Variants in SGCZ observed in about 807,000 individuals in gnomAD.
SGCZ encodes the protein sarcoglycan zeta, also known as zeta-sarcoglycan.
Under a neutral mutation model 41.3 loss-of-function variants are expected in SGCZ, and 40 were observed. The observed-to-expected ratio is 0.97, with a 90% confidence interval of 0.75 to 1.26. The LOEUF is 1.26. SGCZ is among the 50% of genes most tolerant of loss of function. The pLI, the probability that SGCZ is intolerant of heterozygous loss-of-function variation, is 0.00. For synonymous variants in SGCZ, 206 were observed against 137.5 expected (o/e 1.50, Z -3.49); for missense variants, 552 against 369.8 (o/e 1.49, Z -4.04).
chr8:14,504,767 T>A (rs569913279), intron 2 of SGCZ, among the ~76,000 whole-genome samples: 1 of 152,160 alleles, frequency 6.6e-6, no homozygotes, highest in Non-Finnish European at 1.5e-5. Context: ...CTGGAAGAGG[T>A]CCTAGCCTGT....
chr8:14,780,321 G>C (rs1437728609), intron 1 of SGCZ, among the ~76,000 whole-genome samples: 2 of 149,834 alleles, frequency 1.3e-5, no homozygotes, highest in African/African-American at 2.5e-5. Context: ...CTTGCAGTGA[G>C]CTGAGATTGC....
chr8:15,060,761 T>G (rs1194708501), intron 1 of SGCZ, among the ~76,000 whole-genome samples: 1 of 152,270 alleles, frequency 6.6e-6, no homozygotes, highest in Admixed American at 6.5e-5. Flanking sequence ...TTCTGGGTTC[T>G]TACATTCTTC....
chr8:15,166,250 T>G (rs1799661764), intron 1 of SGCZ, among the ~76,000 whole-genome samples: 1 of 149,954 alleles, frequency 6.7e-6, no homozygotes, highest in Admixed American at 6.6e-5. Flanking sequence ...TTTCTTTTTT[T>G]TTTTTTTCTT....
At chr8:14,818,928 T>A (rs1484229800) in intron 1 of SGCZ, among the ~76,000 whole-genome samples, 1 of 151,796 alleles carries the variant, frequency 6.6e-6, no homozygotes, top group Non-Finnish European at 1.5e-5. Context: ...AAACAAATAA[T>A]CTCATTACAG....
intron 1 of SGCZ, among the ~76,000 whole-genome samples, chr8:14,723,033 T>G (rs940893622): frequency 3.4e-4 from 52 of 152,308 alleles, no homozygotes; most frequent in African/African-American, 1.2e-3. Flanking sequence ...ATTCCATTGT[T>G]TGTTTCTATT....
intron 3 of SGCZ, among the ~76,000 whole-genome samples, chr8:14,259,277 A>G (rs554810338): frequency 6.6e-6 from 1 of 152,314 alleles, no homozygotes; most frequent in East Asian, 1.9e-4. Flanking sequence ...ATTTTCCTTT[A>G]GAAAACAAAA....
intron 1 of SGCZ, among the ~76,000 whole-genome samples, chr8:15,015,105 C>G (rs1802976157): frequency 6.6e-6 from 1 of 151,982 alleles, no homozygotes; most frequent in Non-Finnish European, 1.5e-5. Context: ...TACCTGGGCA[C>G]AGTGGTGTGC....
intron 1 of SGCZ, among the ~76,000 whole-genome samples, chr8:14,812,007 G>A (rs186901175): frequency 3.8e-4 from 58 of 152,092 alleles, no homozygotes; most frequent in Non-Finnish European, 7.7e-4. Flanking sequence ...AATGGGTATG[G>A]GATGAGTATG....
At chr8:14,232,599 TTTTTA>T (rs1052606380) in intron 4 of SGCZ, among the ~76,000 whole-genome samples, 6 of 151,890 alleles carry the variant, frequency 4.0e-5, no homozygotes, top group African/African-American at 1.2e-4. Context: ...TGTTTTTTAT[TTTTTA>T]TTTTATTATT....
intron 1 of SGCZ, among the ~76,000 whole-genome samples, chr8:14,754,354 C>T (rs1329892895): frequency 1.3e-5 from 2 of 152,164 alleles, no homozygotes; most frequent in African/African-American, 4.8e-5. Flanking sequence ...CCTTCAACCT[C>T]TCTCTGTTTT....
chr8:14,423,078 C>G (rs1799678720), intron 2 of SGCZ, among the ~76,000 whole-genome samples: 1 of 151,890 alleles, frequency 6.6e-6, no homozygotes, highest in African/African-American at 2.4e-5. Context: ...GTTTTGAACC[C>G]ATGAGTGTTC....
At chr8:14,825,705 A>C (rs944081471) in intron 1 of SGCZ, among the ~76,000 whole-genome samples, 21 of 152,196 alleles carry the variant, frequency 1.4e-4, no homozygotes, top group African/African-American at 4.8e-4. Context: ...CATCTCTCCC[A>C]TTCTTCCTAC....
intron 1 of SGCZ, among the ~76,000 whole-genome samples, chr8:15,039,614 A>G (rs970709898): frequency 1.3e-5 from 2 of 152,336 alleles, no homozygotes; most frequent in Admixed American, 1.3e-4. Context: ...TTTGTTGAGA[A>G]TATTTCCATA....
At chr8:14,556,611 C>T (rs1804042908) in intron 1 of SGCZ, among the ~76,000 whole-genome samples, 1 of 151,964 alleles carries the variant, frequency 6.6e-6, no homozygotes, top group Non-Finnish European at 1.5e-5. Flanking sequence ...CCCCTGAGTG[C>T]CCAAAGTCCA....
chr8:15,156,126 T>C (rs567610285), intron 1 of SGCZ, among the ~76,000 whole-genome samples: 2 of 151,976 alleles, frequency 1.3e-5, no homozygotes, highest in East Asian at 3.9e-4. Context: ...TGATTATTTC[T>C]AGATGCCACA....
At chr8:14,252,406 G>A (rs957549678) in intron 3 of SGCZ, among the ~76,000 whole-genome samples, 3 of 151,864 alleles carry the variant, frequency 2.0e-5, no homozygotes, top group Middle Eastern at 3.2e-3. Context: ...TATATATGAT[G>A]TATATATAAT....
At chr8:14,829,480 A>G (rs1197332350) in intron 1 of SGCZ, among the ~76,000 whole-genome samples, 1 of 152,146 alleles carries the variant, frequency 6.6e-6, no homozygotes, top group Non-Finnish European at 1.5e-5. Context: ...GTCCCCTTGT[A>G]AGTAGAATTG....
chr8:14,319,885 A>C (rs2117021624), intron 3 of SGCZ, among the ~76,000 whole-genome samples: 1 of 152,182 alleles, frequency 6.6e-6, no homozygotes, highest in Middle Eastern at 3.4e-3. Context: ...TCAGCTTCTT[A>C]ATGGTATTTA....
intron 1 of SGCZ, among the ~76,000 whole-genome samples, chr8:14,631,424 C>G (rs1294822175): frequency 6.6e-6 from 1 of 151,806 alleles, no homozygotes; most frequent in African/African-American, 2.4e-5. Flanking sequence ...CATGTCGTAG[C>G]TTGAAACTGG....
Sources: allele counts gnomAD v4.1 joint callset (sites outside exome capture counted in the v4.1 genomes callset), GRCh38; gene constraint gnomAD v4.1.1; transcripts MANE v1.5; gene names NCBI Gene and HGNC (gene_info 2026-07-23, HGNC 2026-07-21).